PCDHGA2: variants seen among roughly 807,000 people sequenced by gnomAD.
PCDHGA2 encodes the protein protocadherin gamma-A2.
A neutral mutation model predicts 59.2 loss-of-function variants in PCDHGA2; 40 were observed. The observed-to-expected ratio is 0.68, with a 90% CI of 0.52 to 0.88. The LOEUF (loss-of-function observed/expected upper bound fraction) is 0.88, where lower values mean the gene tolerates loss of function less well. PCDHGA2 is among the 40% of genes least tolerant of loss of function. The pLI is 0.00. For missense variants in PCDHGA2, 1,226 were observed against 1,204.0 expected (o/e 1.02, Z -0.27); for synonymous variants, 560 against 526.0 (o/e 1.06, Z -0.89).
intron 1 of PCDHGA2, chr5:141,405,481 G>A: frequency 2.0e-6 from 2 of 992,130 alleles, no homozygotes; most frequent in Middle Eastern, 2.6e-4. Context: ...ATGCAGTGGT[G>A]TGATCTCGGC....
chr5:141,477,171 TCA>T lies in PCDHGA2; in HGVS notation c.2425-17633_2425-17632del, dbSNP rs772104411. On this transcript the variant is annotated intron_variant, in intron 1 of 3. Transcript: ENST00000394576. This position sits in a 1 kb window ranked among gnomAD's most constrained non-coding sequence, Gnocchi z 4.9. ...GATGTGAATGACAACGCCCCGGAGA[TCA>T]CAGTCACCTCCGTGTACAGCCCAGT... 6.2e-7 allele frequency: 1 copy of T among 1,614,072 alleles called. No individual in the cohort carries two copies. Among genetic ancestry groups the T allele is most frequent in the Non-Finnish European group, 8.5e-7 (1 of 1,179,988 alleles).
intron 1 of PCDHGA2, chr5:141,423,202 G>T: frequency 6.2e-7 from 1 of 1,613,618 alleles, no homozygotes; most frequent in Non-Finnish European, 8.5e-7. Flanking sequence ...CTCGGCCACC[G>T]TCACGCTCAC....
Position 141,415,578 on chromosome 5 carries a change from G to A in PCDHGA2, c.2424+74183G>A, listed in dbSNP as rs372519745. On this transcript the variant is annotated intron_variant, in intron 1 of 3. Transcript: ENST00000394576. ...ATCCTTTGTCTTTGTTAGATGATTCGAAGTTTCCTATAGAGGATACCCCAT... is the reference window on the plus strand; with the variant it reads ...ATCCTTTGTCTTTGTTAGATGATTCAAAGTTTCCTATAGAGGATACCCCAT... 678 of 1,613,890 alleles carry A rather than the reference G, an allele frequency of 4.2e-4. 10 individuals are homozygous for A. In the South Asian group the frequency reaches 6.8e-3, roughly 16 times the overall value.
Position 141,491,188 on chromosome 5 carries a change from G to A in PCDHGA2, c.2425-3619G>A. On this transcript the variant is annotated intron_variant, in intron 1 of 3. Transcript: ENST00000394576. This position sits in a 1 kb window ranked among gnomAD's most constrained non-coding sequence, Gnocchi z 6.9. Reference sequence around the variant, plus strand: ...CCAGCAGGTGGTGGTCCTGGTGAGGGACAATGGTGACCCTTCACTCTCCTC... The same window carrying A: ...CCAGCAGGTGGTGGTCCTGGTGAGGAACAATGGTGACCCTTCACTCTCCTC... The A allele has an allele frequency of 6.2e-7, 1 of 1,614,198 alleles. No individual in the cohort carries two copies. The highest frequency in any genetic ancestry group is 1.1e-5 in the South Asian group (1 of 91,086).
Position 141,431,592 on chromosome 5 carries a change from G to A in PCDHGA2, c.2425-63215G>A, listed in dbSNP as rs1429358254. 2.5e-6 allele frequency: 4 copies of A among 1,614,100 alleles called. No individual in the cohort carries two copies. The Admixed American group carries it at 6.7e-5, about 27-fold the overall frequency. The stretch of plus-strand genomic sequence containing the variant: ...GACGAAGGAGTCAATGCGGAAGTGA[G>A]GTATTCCTTCCGGTATGTGGACGAC... On this transcript the variant is annotated intron_variant, in intron 1 of 3. Transcript: ENST00000394576. The surrounding 1 kb of genome is among the most constrained non-coding windows in gnomAD (Gnocchi z 4.8).
At chr5:141,374,035 A>G in intron 1 of PCDHGA2, 1 of 1,444,760 alleles carries the variant, frequency 6.9e-7, no homozygotes, top group Non-Finnish European at 9.1e-7. Context: ...AGTGATGCAG[A>G]TCTGTTCTTC....
chr5:141,389,874 G>A, intron 1 of PCDHGA2: 1 of 1,614,072 alleles, frequency 6.2e-7, no homozygotes, highest in Non-Finnish European at 8.5e-7. Context: ...GGTCTTCGCC[G>A]ACAGCTTGCA....
chr5:141,344,657 C>G, intron 1 of PCDHGA2: 1 of 1,613,996 alleles, frequency 6.2e-7, no homozygotes, highest in South Asian at 1.1e-5. Context: ...AAGAAATTCA[C>G]CAGCTTGTCC....
At position 141,381,559 on chromosome 5, in the gene PCDHGA2, A is replaced by G. The variant is rs547767768; in HGVS notation, c.2424+40164A>G. 3.2e-4 allele frequency among the ~76,000 whole-genome samples: 48 copies of G among 152,342 alleles called. No individual in the cohort carries two copies. In the Middle Eastern group the frequency reaches 0.01, roughly 32 times the overall value. ...AGGATGAAGACTTGAATTGAATTGC[A>G]TAATGAAAAGAATCAGCCAATCCAT... On this transcript the variant is annotated intron_variant, in intron 1 of 3. Transcript: ENST00000394576.
intron 1 of PCDHGA2, chr5:141,372,062 C>A (rs1768364404): frequency 1.2e-6 from 2 of 1,613,470 alleles, no homozygotes; most frequent in Non-Finnish European, 1.7e-6. Flanking sequence ...ACGACCGCAA[C>A]GACAATGCAC....
At chr5:141,385,495 T>G in intron 1 of PCDHGA2, 1 of 1,391,982 alleles carries the variant, frequency 7.2e-7, no homozygotes, top group Non-Finnish European at 9.3e-7. Flanking sequence ...ACATAGGATA[T>G]AGTATTTCTT....
intron 1 of PCDHGA2, chr5:141,389,516 G>A: frequency 6.2e-7 from 1 of 1,613,168 alleles, no homozygotes; most frequent in Non-Finnish European, 8.5e-7. Context: ...GCGCGAACGT[G>A]AGCCTGCGCG....
At chr5:141,399,393 CAG>C (rs1335804490) in intron 1 of PCDHGA2, 1 of 1,613,976 alleles carries the variant, frequency 6.2e-7, no homozygotes, top group Non-Finnish European at 8.5e-7. Flanking sequence ...CAGCCACAGA[CAG>C]GGGCAAGCCG....
intron 1 of PCDHGA2, chr5:141,344,031 G>A: frequency 6.5e-7 from 1 of 1,542,766 alleles, no homozygotes; most frequent in South Asian, 1.3e-5. Flanking sequence ...CACCGAAAAG[G>A]AAATGACCAA....
chr5:141,407,981 C>G, intron 1 of PCDHGA2: 4 of 770,010 alleles, frequency 5.2e-6, no homozygotes, highest in Non-Finnish European at 7.8e-6. Flanking sequence ...GCCGGGGATC[C>G]GTCAGCCTCT....
In PCDHGA2 at chr5:141,417,886, C is replaced by G. The variant is rs1330007520; in HGVS notation, c.2424+76491C>G. Reference sequence around the variant, plus strand: ...TGGGAGGGAGCTGCGCGCAGAGGCGCCGGGCCGGCCCGCGGCAGGTACTAT... The same window carrying G: ...TGGGAGGGAGCTGCGCGCAGAGGCGGCGGGCCGGCCCGCGGCAGGTACTAT... On this transcript the variant is annotated intron_variant, in intron 1 of 3. Transcript: ENST00000394576. The G allele has an allele frequency of 9.0e-6, 14 of 1,563,624 alleles. No individual in the cohort carries two copies. The African/African-American group carries it at 1.9e-4, about 21-fold the overall frequency.
At chr5:141,356,608 TC>T in intron 1 of PCDHGA2, 1 of 1,614,146 alleles carries the variant, frequency 6.2e-7, no homozygotes, top group Non-Finnish European at 8.5e-7. Flanking sequence ...CAGAGGAGCC[TC>T]CATCTTATCT....
At position 141,477,213 on chromosome 5, in the gene PCDHGA2, C is replaced by G; in HGVS notation, c.2425-17594C>G. ...TACAGCCCAGTACCCGAGGATGCCC[C>G]TCTGGGGACTGTCATCGCTTTGCTC... is the stretch of plus-strand genomic sequence containing the variant. On this transcript the variant is annotated intron_variant, in intron 1 of 3. Coordinates refer to ENST00000394576, the MANE Select transcript of PCDHGA2 (RefSeq NM_018915.4). The surrounding 1 kb of genome is among the most constrained non-coding windows in gnomAD (Gnocchi z 4.9). 6.2e-7 allele frequency: 1 copy of G among 1,614,184 alleles called. No individual in the cohort carries two copies.
chr5:141,489,800 A>G lies in PCDHGA2; in HGVS notation c.2425-5007A>G. 6.2e-7 allele frequency: 1 copy of G among 1,614,166 alleles called. No homozygotes were observed. Among genetic ancestry groups the G allele is most frequent in the Non-Finnish European group, 8.5e-7 (1 of 1,179,994 alleles). On this transcript the variant is annotated intron_variant, in intron 1 of 3. Coordinates refer to ENST00000394576, the MANE Select transcript of PCDHGA2 (RefSeq NM_018915.4). This position sits in a 1 kb window ranked among gnomAD's most constrained non-coding sequence, Gnocchi z 4.5. ...TCTCTGAATGTGAAGACCCTAAAAG[A>G]TGGGAAGCCATTCCCAGAGCTGGTG...
Sources: gnomAD v4.1 joint callset for allele counts (sites outside exome capture counted in the v4.1 genomes callset) on GRCh38, gnomAD v4.1.1 for gene constraint, Gnocchi (gnomAD v3.1) non-coding constraint, MANE v1.5 for transcripts, NCBI Gene and HGNC (gene_info 2026-07-23, HGNC 2026-07-21) for gene names.